The following NEGR1 variants were observed in gnomAD, a reference collection of about 807,000 sequenced individuals.
NEGR1 encodes the protein IgLON family member 4.
NEGR1 carries 10 observed loss-of-function variants against 40.9 expected under a neutral mutation model. The observed-to-expected ratio is 0.24, with a 90% CI of 0.15 to 0.42. The LOEUF (loss-of-function observed/expected upper bound fraction) is 0.42. Ranked by LOEUF, NEGR1 falls within the 10% of genes least tolerant of loss-of-function variation. The pLI is 1.00. For missense variants in NEGR1, 352 were observed against 438.9 expected (o/e 0.80, Z 1.77); for synonymous variants, 185 against 166.8 (o/e 1.11, Z -0.84).
At chr1:71,583,595 G>T (rs1347547558) in intron 6 of NEGR1, among the ~76,000 whole-genome samples, 2 of 152,148 alleles carry the variant, frequency 1.3e-5, no homozygotes, top group African/African-American at 4.8e-5. Flanking sequence ...TTTGATTATA[G>T]TTATTATCTA....
At chr1:72,204,186 C>A (rs1028183435) in intron 1 of NEGR1, among the ~76,000 whole-genome samples, 8 of 151,900 alleles carry the variant, frequency 5.3e-5, no homozygotes, top group African/African-American at 1.9e-4. Flanking sequence ...TTTGTGATAG[C>A]CTGAATTAAA....
At chr1:71,535,455 C>T (rs879511399) in intron 6 of NEGR1, among the ~76,000 whole-genome samples, 1 of 151,670 alleles carries the variant, frequency 6.6e-6, no homozygotes, top group Non-Finnish European at 1.5e-5. Context: ...CATAGAAAGG[C>T]TTTTAAAAGA....
At chr1:71,520,007 C>T (rs1295698399) in intron 6 of NEGR1, among the ~76,000 whole-genome samples, 1 of 151,838 alleles carries the variant, frequency 6.6e-6, no homozygotes, top group East Asian at 1.9e-4. Flanking sequence ...ATCTAATACA[C>T]AAAAAAGACA....
intron 2 of NEGR1, among the ~76,000 whole-genome samples, chr1:71,828,168 G>C (rs1658709225): frequency 6.6e-6 from 1 of 151,920 alleles, no homozygotes; most frequent in African/African-American, 2.4e-5. Context: ...AGTTGCTCTT[G>C]CTCTGTATTG....
At chr1:71,439,196 A>G (rs1646530340) in intron 6 of NEGR1, among the ~76,000 whole-genome samples, 1 of 152,150 alleles carries the variant, frequency 6.6e-6, no homozygotes, top group Admixed American at 6.6e-5. Flanking sequence ...GGGGTGTAAT[A>G]GATTCTGAAT....
At chr1:71,685,044 A>C (rs1652984359) in intron 4 of NEGR1, among the ~76,000 whole-genome samples, 1 of 152,190 alleles carries the variant, frequency 6.6e-6, no homozygotes, top group South Asian at 2.1e-4. Flanking sequence ...ATCGGTATAT[A>C]ATAAATACCA....
chr1:72,278,832 C>T (rs888933909), intron 1 of NEGR1, among the ~76,000 whole-genome samples: 3 of 152,128 alleles, frequency 2.0e-5, no homozygotes, highest in African/African-American at 7.2e-5. Context: ...CAATTAAAGT[C>T]TATATTTAAT....
At chr1:71,810,394 T>G (rs779483700) in intron 2 of NEGR1, among the ~76,000 whole-genome samples, 4 of 152,128 alleles carry the variant, frequency 2.6e-5, no homozygotes, top group Non-Finnish European at 4.4e-5. Context: ...ACTAACCTTA[T>G]AGTAAATCTT....
intron 1 of NEGR1, among the ~76,000 whole-genome samples, chr1:71,976,641 TA>T (rs898492386): frequency 1.6e-4 from 25 of 152,294 alleles, no homozygotes; most frequent in African/African-American, 6.0e-4. Flanking sequence ...AAAGTTACTT[TA>T]AAAAAATGCT....
At chr1:72,010,092 G>A (rs917401885) in intron 1 of NEGR1, among the ~76,000 whole-genome samples, 9 of 152,134 alleles carry the variant, frequency 5.9e-5, no homozygotes, top group African/African-American at 2.2e-4. Flanking sequence ...CCACTGTCCA[G>A]CCAGCTTGTC....
chr1:72,135,764 A>G (rs1650440535), intron 1 of NEGR1, among the ~76,000 whole-genome samples: 1 of 152,234 alleles, frequency 6.6e-6, no homozygotes, highest in Non-Finnish European at 1.5e-5. Context: ...ATTTCAGGCA[A>G]CTAACCAAGG....
At chr1:72,002,760 T>G (rs767223550) in intron 1 of NEGR1, among the ~76,000 whole-genome samples, 6 of 152,286 alleles carry the variant, frequency 3.9e-5, no homozygotes, top group Non-Finnish European at 8.8e-5. Context: ...CAATACTAAC[T>G]TTCAAAAATG....
intron 2 of NEGR1, among the ~76,000 whole-genome samples, chr1:71,921,485 T>C (rs889973312): frequency 2.6e-5 from 4 of 152,064 alleles, no homozygotes; most frequent in African/African-American, 4.8e-5. Context: ...CTTTAGCCTA[T>C]TCAATGTGAA....
intron 6 of NEGR1, among the ~76,000 whole-genome samples, chr1:71,581,908 T>C (rs942052709): frequency 6.6e-5 from 10 of 152,094 alleles, no homozygotes; most frequent in Non-Finnish European, 1.5e-4. Context: ...ATTGCCATGT[T>C]GCCCAAGCTG....
chr1:72,090,547 C>T (rs368072002), intron 1 of NEGR1, among the ~76,000 whole-genome samples: 30 of 152,206 alleles, frequency 2.0e-4, no homozygotes, highest in African/African-American at 7.2e-4. Flanking sequence ...AGAAACCTAT[C>T]TAAGTGCCTA....
intron 1 of NEGR1, among the ~76,000 whole-genome samples, chr1:72,010,199 CAAGTGA>C (rs1421440041): frequency 6.6e-6 from 1 of 151,934 alleles, no homozygotes; most frequent in African/African-American, 2.4e-5. Context: ...GCGGGGGAAT[CAAGTGA>C]AAGCATGGCT....
intron 1 of NEGR1, among the ~76,000 whole-genome samples, chr1:72,126,655 T>A (rs1399876523): frequency 6.6e-6 from 1 of 152,166 alleles, no homozygotes; most frequent in East Asian, 1.9e-4. Flanking sequence ...GGTCAGAGAT[T>A]TTTATCCTTC....
At chr1:72,188,863 A>T (rs1484837171) in intron 1 of NEGR1, among the ~76,000 whole-genome samples, 1 of 151,570 alleles carries the variant, frequency 6.6e-6, no homozygotes, top group Non-Finnish European at 1.5e-5. Flanking sequence ...ATTTTGAATG[A>T]CTTATAGCCA....
intron 2 of NEGR1, among the ~76,000 whole-genome samples, chr1:71,785,761 A>T (rs960792243): frequency 2.6e-5 from 4 of 152,170 alleles, no homozygotes; most frequent in Non-Finnish European, 5.9e-5. Flanking sequence ...CATTTCCCAT[A>T]GCTAAAAGCT....
Sources: gnomAD v4.1 joint callset for allele counts (sites outside exome capture counted in the v4.1 genomes callset) on GRCh38, gnomAD v4.1.1 for gene constraint, MANE v1.5 for transcripts, NCBI Gene and HGNC (gene_info 2026-07-23, HGNC 2026-07-21) for gene names.